Variants in DAB1 observed in about 807,000 individuals in gnomAD.
DAB1 encodes disabled homolog 1.
A neutral mutation model predicts 64.6 loss-of-function variants in DAB1; 15 were observed. The observed-to-expected ratio is 0.23, with a 90% confidence interval of 0.16 to 0.36. DAB1 has a LOEUF of 0.36. Ranked by LOEUF, DAB1 falls within the 10% of genes least tolerant of loss-of-function variation. DAB1 has a pLI of 1.00. For synonymous variants in DAB1, 235 were observed against 251.9 expected (o/e 0.93, Z 0.64); for missense variants, 596 against 706.7 (o/e 0.84, Z 1.78).
At chr1:57,148,569 G>A (rs1659367818) in intron 2 of DAB1, among the ~76,000 whole-genome samples, 1 of 152,116 alleles carries the variant, frequency 6.6e-6, no homozygotes, top group African/African-American at 2.4e-5. Flanking sequence ...TGCATTTTAG[G>A]TCACCATGAA....
chr1:57,022,152 ATT>A (rs958509772), intron 11 of DAB1, among the ~76,000 whole-genome samples: 3 of 152,196 alleles, frequency 2.0e-5, no homozygotes, highest in African/African-American at 7.2e-5. Flanking sequence ...CCTGGTGAGC[ATT>A]TTTGAAATGA....
intron 7 of DAB1, among the ~76,000 whole-genome samples, chr1:57,577,957 C>CTCCACA (rs1255469678): frequency 6.6e-6 from 1 of 152,216 alleles, no homozygotes; most frequent in Non-Finnish European, 1.5e-5. Context: ...GCCAACACAT[C>CTCCACA]TCCACATGAA....
intron 7 of DAB1, among the ~76,000 whole-genome samples, chr1:57,474,368 G>A (rs76345785): frequency 2.0e-5 from 3 of 152,138 alleles, no homozygotes; most frequent in African/African-American, 7.2e-5. Flanking sequence ...AAACAAGTCC[G>A]ACTCCGCTCA....
At chr1:57,345,374 G>A (rs184259781) in intron 1 of DAB1, among the ~76,000 whole-genome samples, 6 of 152,270 alleles carry the variant, frequency 3.9e-5, no homozygotes, top group Admixed American at 2.0e-4. Flanking sequence ...TGAAAATAAT[G>A]ATAACTGCCT....
chr1:58,524,920 T>G (rs762267993), intron 2 of DAB1, among the ~76,000 whole-genome samples: 3 of 152,212 alleles, frequency 2.0e-5, no homozygotes, highest in Non-Finnish European at 4.4e-5. Context: ...ATTAGTGTCT[T>G]CTGGTGTTTT....
intron 3 of DAB1, among the ~76,000 whole-genome samples, chr1:58,489,752 G>A (rs1645644525): frequency 6.6e-6 from 1 of 152,188 alleles, no homozygotes; most frequent in Admixed American, 6.5e-5. Flanking sequence ...AACTTCCAGA[G>A]GAATGATGAG....
At chr1:58,156,213 T>C (rs1487438016) in intron 4 of DAB1, among the ~76,000 whole-genome samples, 1 of 152,214 alleles carries the variant, frequency 6.6e-6, no homozygotes, top group East Asian at 1.9e-4. Context: ...TGCTTCTCCA[T>C]TTTTGAATGA....
rs377097516 is a variant in DAB1 at position 57,715,056 on chromosome 1, A to G, written n.552-65391T>C. On this transcript the variant is annotated intron_variant and non_coding_transcript_variant, in intron 6 of 20. Transcript: ENST00000485760. ...AAAATACTAGCAAACCAAATTAAAC[A>G]ATACATTAAAAAGATCATTTACCAT... Among the ~76,000 whole-genome samples the G allele has an allele frequency of 6.6e-5, 10 of 152,330 alleles. No homozygotes were observed. In the East Asian group the frequency reaches 1.5e-3, roughly 23 times the overall value.
intron 7 of DAB1, among the ~76,000 whole-genome samples, chr1:57,592,824 A>C (rs1031465071): frequency 6.6e-6 from 1 of 152,134 alleles, no homozygotes; most frequent in Non-Finnish European, 1.5e-5. Context: ...CCTGGCTTGT[A>C]GGTGGCCACC....
chr1:58,421,163 G>T (rs1245129410), intron 3 of DAB1, among the ~76,000 whole-genome samples: 1 of 152,152 alleles, frequency 6.6e-6, no homozygotes, highest in Admixed American at 6.5e-5. Context: ...CTCTAATTAT[G>T]TGTCTATTAT....
chr1:57,568,427 G>A (rs1645149991), intron 7 of DAB1, among the ~76,000 whole-genome samples: 1 of 152,142 alleles, frequency 6.6e-6, no homozygotes, highest in African/African-American at 2.4e-5. Context: ...TTGACAAATG[G>A]GATCGAATTA....
At chr1:57,572,654 T>C (rs1181148188) in intron 7 of DAB1, among the ~76,000 whole-genome samples, 1 of 152,126 alleles carries the variant, frequency 6.6e-6, no homozygotes, top group Non-Finnish European at 1.5e-5. Context: ...TTTTACATAA[T>C]TGTATTAGGT....
intron 9 of DAB1, among the ~76,000 whole-genome samples, chr1:57,038,319 G>A (rs754862773): frequency 6.6e-5 from 10 of 151,974 alleles, no homozygotes; most frequent in African/African-American, 9.7e-5. Flanking sequence ...TTTCATTGCC[G>A]GAGCTAAGTG....
intron 3 of DAB1, among the ~76,000 whole-genome samples, chr1:58,499,233 C>T (rs1442783879): frequency 7.4e-6 from 1 of 135,478 alleles, no homozygotes; most frequent in Non-Finnish European, 1.5e-5. Context: ...GGCTGGGGAT[C>T]GGGGAGTAGG....
At chr1:57,673,972 G>A (rs987431620) in intron 6 of DAB1, among the ~76,000 whole-genome samples, 1 of 152,136 alleles carries the variant, frequency 6.6e-6, no homozygotes, top group Non-Finnish European at 1.5e-5. Flanking sequence ...TAAGAGGATA[G>A]CTTTCATTTT....
chr1:57,104,177 T>C (rs1490211543), intron 4 of DAB1, among the ~76,000 whole-genome samples: 1 of 152,106 alleles, frequency 6.6e-6, no homozygotes, highest in African/African-American at 2.4e-5. Context: ...ATGAAAACCA[T>C]AGTTTAGAAA....
chr1:58,121,549 C>T (rs1652737298), intron 5 of DAB1, among the ~76,000 whole-genome samples: 1 of 152,066 alleles, frequency 6.6e-6, no homozygotes, highest in Non-Finnish European at 1.5e-5. Context: ...TTCATCTTCC[C>T]AATTAGAATA....
chr1:58,395,390 G>A (rs1016514152), intron 3 of DAB1, among the ~76,000 whole-genome samples: 3 of 152,026 alleles, frequency 2.0e-5, no homozygotes, highest in Admixed American at 1.3e-4. Context: ...CTCTGGGCAC[G>A]GATTGCCCAT....
chr1:57,455,010 T>C (rs564842108), intron 7 of DAB1, among the ~76,000 whole-genome samples: 2 of 152,178 alleles, frequency 1.3e-5, no homozygotes, highest in South Asian at 2.1e-4. Flanking sequence ...CAACTTTGTC[T>C]AATAGGGAGA....
Sources: gnomAD v4.1 joint callset for allele counts (sites outside exome capture counted in the v4.1 genomes callset) on GRCh38, gnomAD v4.1.1 for gene constraint, MANE v1.5 for transcripts, NCBI Gene and HGNC (gene_info 2026-07-23, HGNC 2026-07-21) for gene names.